The following PHLDB2 variants were observed in gnomAD, a reference collection of about 807,000 sequenced individuals.
PHLDB2 encodes pleckstrin homology like domain family B member 2, also known as pleckstrin homology-like domain family B member 2.
PHLDB2 carries 71 observed loss-of-function variants against 123.6 expected under a neutral mutation model. The observed-to-expected ratio is 0.57, with a 90% CI of 0.47 to 0.70. The LOEUF (loss-of-function observed/expected upper bound fraction) is 0.70, where lower values mean the gene tolerates loss of function less well. Ranked by LOEUF, PHLDB2 falls within the 30% of genes least tolerant of loss-of-function variation. The probability of loss-of-function intolerance (pLI) is 0.00; values close to 1 mark genes in which losing one functional copy is unlikely to be tolerated. For missense variants in PHLDB2, 1,446 were observed against 1,519.5 expected, an observed-to-expected ratio of 0.95 and a Z score of 0.80; for synonymous variants, 547 against 541.6, an observed-to-expected ratio of 1.01 and a Z score of -0.14.
intron 1 of PHLDB2, among the ~76,000 whole-genome samples, chr3:111,752,524 A>C (rs2059799180): frequency 6.6e-6 from 1 of 151,968 alleles, no homozygotes; most frequent in African/African-American, 2.4e-5. Context: ...TCTAACAAAA[A>C]TATTCCAAAT....
intron 10 of PHLDB2, chr3:111,949,597 CTTAA>C (rs1181616099): frequency 1.6e-6 from 1 of 633,648 alleles, no homozygotes; most frequent in Non-Finnish European, 2.0e-6. Flanking sequence ...ATTGTAACTT[CTTAA>C]TTAAAATATA....
chr3:111,757,512 G>A (rs2059915033), intron 1 of PHLDB2, among the ~76,000 whole-genome samples: 1 of 152,078 alleles, frequency 6.6e-6, no homozygotes, highest in Non-Finnish European at 1.5e-5. Context: ...TTCGCCTTTG[G>A]TTTGAATTTC....
chr3:111,768,536 T>C lies in PHLDB2; in HGVS notation c.-49+35833T>C, dbSNP rs985731753. Among the ~76,000 whole-genome samples the C allele has an allele frequency of 3.3e-5, 5 of 152,202 alleles. No homozygotes were observed. In the South Asian group the frequency reaches 1.0e-3, roughly 32 times the overall value. On this transcript the variant is annotated intron_variant, in intron 1 of 17. Transcript: ENST00000393923. ...AGCCCCAACCCATGAATGAAAACAA[T>C]AGAAATGATCTGCTATAAGATTTCA...
intron 1 of PHLDB2, among the ~76,000 whole-genome samples, chr3:111,771,892 T>C (rs1364499031): frequency 6.6e-6 from 1 of 152,240 alleles, no homozygotes; most frequent in Non-Finnish European, 1.5e-5. Context: ...AAATGGAATC[T>C]CCTAATTCAA....
intron 2 of PHLDB2, among the ~76,000 whole-genome samples, chr3:111,854,221 A>C (rs1255050426): frequency 6.6e-6 from 1 of 152,190 alleles, no homozygotes; most frequent in Admixed American, 6.5e-5. Flanking sequence ...CATGGGGGAA[A>C]CTGCCCCCAA....
At chr3:111,891,513 A>G (rs1338436039) in intron 2 of PHLDB2, among the ~76,000 whole-genome samples, 2 of 151,766 alleles carry the variant, frequency 1.3e-5, no homozygotes, top group African/African-American at 4.8e-5. Context: ...TTGCAGGAAA[A>G]CAAGCTCAGG....
chr3:111,740,842 C>G (rs1487441377), intron 1 of PHLDB2, among the ~76,000 whole-genome samples: 1 of 149,172 alleles, frequency 6.7e-6, no homozygotes, highest in Non-Finnish European at 1.5e-5. Context: ...CAATGATTAT[C>G]AATGTCAAAC....
chr3:111,840,936 A>T (rs990932142), intron 1 of PHLDB2, among the ~76,000 whole-genome samples: 23 of 152,200 alleles, frequency 1.5e-4, no homozygotes, highest in African/African-American at 5.5e-4. Flanking sequence ...TCATAGTTTC[A>T]TCAGCAGGCA....
chr3:111,775,200 C>T (rs2060246964), intron 1 of PHLDB2, among the ~76,000 whole-genome samples: 1 of 152,118 alleles, frequency 6.6e-6, no homozygotes, highest in Non-Finnish European at 1.5e-5. Flanking sequence ...ATCATTTATA[C>T]ATGGAACCAA....
At chr3:111,905,812 A>C (rs527892383) in intron 2 of PHLDB2, among the ~76,000 whole-genome samples, 63 of 152,342 alleles carry the variant, frequency 4.1e-4, no homozygotes, top group Admixed American at 3.5e-3. Context: ...TGTCATTAAA[A>C]AATAGGAATT....
intron 1 of PHLDB2, among the ~76,000 whole-genome samples, chr3:111,737,415 GC>G (rs962249591): frequency 1.3e-5 from 2 of 152,050 alleles, no homozygotes; most frequent in African/African-American, 4.8e-5. Flanking sequence ...ATAGTTTTGG[GC>G]AGTGATCAAG....
At chr3:111,938,590 A>G (rs1006488098) in intron 6 of PHLDB2, among the ~76,000 whole-genome samples, 1 of 152,144 alleles carries the variant, frequency 6.6e-6, no homozygotes, top group Non-Finnish European at 1.5e-5. Context: ...AAAAGAAAAT[A>G]AACAATTAAA....
At chr3:111,820,531 TA>T (rs1435114284) in intron 1 of PHLDB2, among the ~76,000 whole-genome samples, 1 of 152,222 alleles carries the variant, frequency 6.6e-6, no homozygotes, top group Non-Finnish European at 1.5e-5. Context: ...ACACTATATT[TA>T]CTGTGTCTCA....
At chr3:111,782,160 T>A (rs2060498510) in intron 1 of PHLDB2, among the ~76,000 whole-genome samples, 2 of 152,076 alleles carry the variant, frequency 1.3e-5, no homozygotes, top group Admixed American at 1.3e-4. Context: ...TGCATCCAAA[T>A]GATAAAAATA....
chr3:111,972,832 C>T (rs2107697820), intron 16 of PHLDB2, among the ~76,000 whole-genome samples: 1 of 152,246 alleles, frequency 6.6e-6, no homozygotes, highest in East Asian at 1.9e-4. Context: ...AATCCATGTA[C>T]ATTTATTTGC....
rs79979294 is a variant in PHLDB2 at position 111,966,275 on chromosome 3, G to A, written c.3078-338G>A. 1.1e-3 allele frequency among the ~76,000 whole-genome samples: 169 copies of A among 152,214 alleles called. 2 individuals carry two copies. Among genetic ancestry groups the A allele is most frequent in the African/African-American group, 3.9e-3 (161 of 41,534 alleles). On this transcript the variant is annotated intron_variant, in intron 13 of 17. Coordinates refer to ENST00000431670, the MANE Select transcript of PHLDB2 (RefSeq NM_001134438.2). Reference sequence around the variant, plus strand: ...TCATTATTTTTAGACTTTGGAGGAAGCATTTAGAAGTCACACTTTGTAAGA... The same window carrying A: ...TCATTATTTTTAGACTTTGGAGGAAACATTTAGAAGTCACACTTTGTAAGA...
At chr3:111,877,976 C>G (rs2065723906) in intron 1 of PHLDB2, among the ~76,000 whole-genome samples, 1 of 152,152 alleles carries the variant, frequency 6.6e-6, no homozygotes, top group South Asian at 2.1e-4. Context: ...ACATTGAAGT[C>G]AGGTAGCATG....
intron 2 of PHLDB2, among the ~76,000 whole-genome samples, chr3:111,896,770 A>AAT (rs2066897692): frequency 6.6e-6 from 1 of 152,050 alleles, no homozygotes; most frequent in East Asian, 1.9e-4. Flanking sequence ...AAAAAAAAAA[A>AAT]ATCCAAAACA....
chr3:111,876,748 G>T (rs2065644490), intron 1 of PHLDB2, among the ~76,000 whole-genome samples: 1 of 152,078 alleles, frequency 6.6e-6, no homozygotes, highest in South Asian at 2.1e-4. Flanking sequence ...AAGCCATGGT[G>T]TGTGATATTC....
Sources: gnomAD v4.1 joint callset for allele counts (sites outside exome capture counted in the v4.1 genomes callset) on GRCh38, gnomAD v4.1.1 for gene constraint, MANE v1.5 for transcripts, NCBI Gene and HGNC (gene_info 2026-07-23, HGNC 2026-07-21) for gene names.